Variants in RPAP3 observed in about 807,000 individuals in gnomAD.
The protein encoded by RPAP3 is RNA polymerase II-associated protein 3.
A neutral mutation model predicts 88.8 loss-of-function variants in RPAP3; 58 were observed. That is an observed-to-expected ratio of 0.65 (90% CI 0.53 to 0.81). The LOEUF (loss-of-function observed/expected upper bound fraction) is 0.81. Ranked by LOEUF, RPAP3 falls within the 40% of genes least tolerant of loss-of-function variation. The probability of loss-of-function intolerance (pLI) is 0.00; values close to 1 mark genes in which losing one functional copy is unlikely to be tolerated. For missense variants in RPAP3, 751 were observed against 764.3 expected (o/e 0.98, Z 0.20); for synonymous variants, 255 against 259.9 (o/e 0.98, Z 0.18).
intron 9 of RPAP3, among the ~76,000 whole-genome samples, chr12:47,686,531 CACACACATACACAT>C: frequency 9.5e-6 from 1 of 104,742 alleles, no homozygotes; most frequent in Non-Finnish European, 1.9e-5. Context: ...GGTACATAAA[CACACACATACACAT>C]ACACACACAC....
intron 5 of RPAP3, 55 bp downstream of exon 5, chr12:47,696,221 G>C (rs974696278): frequency 7.4e-7 from 1 of 1,346,270 alleles, no homozygotes; most frequent in Non-Finnish European, 9.7e-7. Flanking sequence ...TTTTTAATAA[G>C]TCTCCATATA....
intron 3 of RPAP3, 34 bp downstream of exon 3, chr12:47,701,429 CA>C (rs1277528068): frequency 2.7e-6 from 4 of 1,502,234 alleles, no homozygotes; most frequent in Non-Finnish European, 3.6e-6. Flanking sequence ...AAATTTTACT[CA>C]AATATTAAGA....
chr12:47,665,761 C>A (rs956280187), intron 16 of RPAP3, among the ~76,000 whole-genome samples: 33 of 152,066 alleles, frequency 2.2e-4, no homozygotes, highest in African/African-American at 7.2e-4. Context: ...CCACCTCAGC[C>A]CCCCTAGTAG....
chr12:47,692,775 T>C lies in RPAP3; in HGVS notation c.546-2136A>G, dbSNP rs1592483464. 2.6e-5 allele frequency among the ~76,000 whole-genome samples: 4 copies of C among 152,248 alleles called. No homozygotes were observed. In the South Asian group the frequency reaches 8.3e-4, roughly 31 times the overall value. On this transcript the variant is annotated intron_variant, in intron 5 of 16. Coordinates refer to ENST00000005386, the MANE Select transcript of RPAP3 (RefSeq NM_024604.3). ...TTTCAGTCAGTCTTGGCTTTCGACATGCCGTCCTCACTAAGTTTAATCATT... is the reference window on the plus strand; with the variant it reads ...TTTCAGTCAGTCTTGGCTTTCGACACGCCGTCCTCACTAAGTTTAATCATT...
intron 5 of RPAP3, among the ~76,000 whole-genome samples, chr12:47,695,069 A>G (rs1939496587): frequency 6.6e-6 from 1 of 152,166 alleles, no homozygotes; most frequent in African/African-American, 2.4e-5. Flanking sequence ...TGAAATAAGG[A>G]AAGAAAGGAC....
chr12:47,667,705 A>G (rs373388238), intron 15 of RPAP3, 49 bp downstream of exon 15: 2 of 1,041,826 alleles, frequency 1.9e-6, no homozygotes, highest in South Asian at 3.0e-5. Flanking sequence ...AAACCTATCA[A>G]TAACATTAAG....
At chr12:47,671,583 C>T (rs1938998509) in intron 12 of RPAP3, among the ~76,000 whole-genome samples, 1 of 152,098 alleles carries the variant, frequency 6.6e-6, no homozygotes, top group African/African-American at 2.4e-5. Flanking sequence ...AAATTTATAA[C>T]AGAATTCTTC....
intron 6 of RPAP3, 143 bp downstream of exon 6, chr12:47,690,375 A>T (rs1228943590): frequency 1.7e-6 from 1 of 592,690 alleles, no homozygotes; most frequent in African/African-American, 1.9e-5. Context: ...AAACATCAAG[A>T]TATCATTTCA....
intron 12 of RPAP3, among the ~76,000 whole-genome samples, chr12:47,673,444 CAA>C (rs35080899): frequency 4.3e-4 from 26 of 60,782 alleles, no homozygotes; most frequent in South Asian, 3.1e-3. Flanking sequence ...AACTCCGTCT[CAA>C]AAAAAAAAAA....
chr12:47,692,188 T>G (rs1232828286), intron 5 of RPAP3, among the ~76,000 whole-genome samples: 2 of 152,316 alleles, frequency 1.3e-5, no homozygotes, highest in African/African-American at 4.8e-5. Context: ...ATCTTCAACT[T>G]AAAGTCACCA....
chr12:47,664,287 G>A (rs1938820338), intron 16 of RPAP3, among the ~76,000 whole-genome samples: 1 of 152,198 alleles, frequency 6.6e-6, no homozygotes, highest in Non-Finnish European at 1.5e-5. Flanking sequence ...CTACTCAGGA[G>A]GCTGAGGCAG....
chr12:47,703,861 G>T (rs1939707280), intron 1 of RPAP3, among the ~76,000 whole-genome samples: 1 of 152,184 alleles, frequency 6.6e-6, no homozygotes, highest in South Asian at 2.1e-4. Flanking sequence ...TGAGGTGTTG[G>T]AGAACAGAGA....
Position 47,686,769 on chromosome 12 carries a change from C to T in RPAP3, c.992+11G>A, listed in dbSNP as rs373520697. 1 of 1,524,900 alleles carries T rather than the reference C, an allele frequency of 6.6e-7. No homozygotes were observed. Among genetic ancestry groups the T allele is most frequent in the African/African-American group, 1.4e-5 (1 of 71,194 alleles). 94.5% of individuals were successfully genotyped at this position (1,524,900 alleles called of 1,614,324 possible). On this transcript the variant is annotated intron_variant, in intron 9 of 16. Coordinates refer to ENST00000005386, the MANE Select transcript of RPAP3 (RefSeq NM_024604.3). ...TATCCTGAACAGCACTAAAATGTAA[C>T]CAATACTTACTTCTGAATCTTCAGA...
At position 47,662,649 on chromosome 12, in the gene RPAP3, A is replaced by C. The variant is rs958251900; in HGVS notation, c.*856T>G. 6.6e-6 allele frequency: 1 copy of C among 152,348 alleles called. No individual in the cohort carries two copies. The highest frequency in any genetic ancestry group is 6.5e-5 in the Admixed American group (1 of 15,300). The allele number at this position is 152,348 out of a possible 1,614,324, so 9.4% of individuals were successfully genotyped here. A position where few individuals can be genotyped will look rare whatever the true frequency, so the allele number is the denominator to read the frequency against. On this transcript the variant is annotated 3_prime_UTR_variant, in exon 17 of 17. Coordinates refer to ENST00000005386, the MANE Select transcript of RPAP3 (RefSeq NM_024604.3). ...CTACTTTAAACATTTACTTAATATGATTCTTGCGTCAAATTCAATTAAATT... is the reference window on the plus strand; with the variant it reads ...CTACTTTAAACATTTACTTAATATGCTTCTTGCGTCAAATTCAATTAAATT...
intron 8 of RPAP3, among the ~76,000 whole-genome samples, 178 bp downstream of exon 8, chr12:47,687,698 G>C (rs1000284848): frequency 2.0e-5 from 3 of 151,824 alleles, no homozygotes; most frequent in Admixed American, 1.3e-4. Flanking sequence ...TATATATAAA[G>C]TCATCAATTA....
At chr12:47,670,059 G>A in intron 13 of RPAP3, 48 bp downstream of exon 13, 1 of 1,209,882 alleles carries the variant, frequency 8.3e-7, no homozygotes, top group South Asian at 1.2e-5. Flanking sequence ...TTCTCCATTG[G>A]AATTAACCCA....
intron 6 of RPAP3, among the ~76,000 whole-genome samples, chr12:47,690,149 T>A (rs1225453075): frequency 6.6e-6 from 1 of 151,874 alleles, no homozygotes; most frequent in African/African-American, 2.4e-5. Flanking sequence ...TTTTATGAAA[T>A]AATAGAAGGC....
Position 47,667,698 on chromosome 12 carries a change from C to T in RPAP3, c.1811+56G>A, listed in dbSNP as rs959151815. On this transcript the variant is annotated intron_variant, in intron 15 of 16. Transcript: ENST00000005386. ...TAATTAAAATTGCAGTTTCCAAAAACCTATCAATAACATTAAGTGAGGACT... is the reference window on the plus strand; with the variant it reads ...TAATTAAAATTGCAGTTTCCAAAAATCTATCAATAACATTAAGTGAGGACT... The T allele has an allele frequency of 3.9e-4, 366 of 944,132 alleles. 1 individual carries two copies. The highest frequency in any genetic ancestry group is 7.4e-5 in the Non-Finnish European group (46 of 620,048). The allele number at this position is 944,132 out of a possible 1,614,324, so 58.5% of individuals were successfully genotyped here. A position where few individuals can be genotyped will look rare whatever the true frequency, so the allele number is the denominator to read the frequency against.
intron 2 of RPAP3, among the ~76,000 whole-genome samples, chr12:47,701,874 CA>C (rs1164965056): frequency 2.6e-5 from 4 of 152,142 alleles, no homozygotes; most frequent in African/African-American, 9.7e-5. Flanking sequence ...ATCCTAAATT[CA>C]AACTTCAAAA....
Sources: allele counts gnomAD v4.1 joint callset (sites outside exome capture counted in the v4.1 genomes callset), GRCh38; gene constraint gnomAD v4.1.1; transcripts MANE v1.5; gene names NCBI Gene and HGNC (gene_info 2026-07-23, HGNC 2026-07-21).